The following SMARCC1 variants were observed in gnomAD, a reference collection of about 807,000 sequenced individuals.
SMARCC1 encodes SWI/SNF complex subunit SMARCC1.
In SMARCC1, 43 loss-of-function variants were observed where a neutral mutation model predicts 147.4. The observed-to-expected ratio is 0.29, with a 90% CI of 0.23 to 0.38. The LOEUF is 0.38. Ranked by LOEUF, SMARCC1 falls within the 10% of genes least tolerant of loss-of-function variation. SMARCC1 has a pLI of 1.00. For synonymous variants in SMARCC1, 495 were observed against 484.4 expected, an observed-to-expected ratio of 1.02 and a Z score of -0.29; for missense variants, 1,119 against 1,381.1, an observed-to-expected ratio of 0.81 and a Z score of 3.01.
chr3:47,653,062 T>C (rs1208200813), intron 21 of SMARCC1, among the ~76,000 whole-genome samples: 1 of 150,934 alleles, frequency 6.6e-6, no homozygotes, highest in African/African-American at 2.4e-5. Flanking sequence ...GTTCACGCCA[T>C]TCTCCTGGCC....
chr3:47,728,313 C>T (rs2034325524), intron 6 of SMARCC1, among the ~76,000 whole-genome samples: 1 of 151,846 alleles, frequency 6.6e-6, no homozygotes, highest in Non-Finnish European at 1.5e-5. Flanking sequence ...ATCTCAAACT[C>T]CTGACCTCAA....
At position 47,735,955 on chromosome 3, in the gene SMARCC1, G is replaced by A. The variant is rs527504358; in HGVS notation, c.576+79C>T. ...TCAAAAAATCCAAAACATTACTATG[G>A]TTGTCATTTATTAGAGGCTTACAAC... On this transcript the variant is annotated intron_variant, in intron 5 of 27. Coordinates refer to ENST00000254480, the MANE Select transcript of SMARCC1 (RefSeq NM_003074.4). 6.4e-6 allele frequency: 4 copies of A among 620,902 alleles called. 1 individual carries two copies. In the East Asian group the frequency reaches 1.2e-4, roughly 19 times the overall value. 38.5% of individuals were successfully genotyped at this position (620,902 alleles called of 1,614,324 possible).
At chr3:47,676,897 G>A (rs893130053) in intron 16 of SMARCC1, 115 bp from the exon 17 acceptor site, 8 of 854,958 alleles carry the variant, frequency 9.4e-6, no homozygotes, top group Non-Finnish European at 1.1e-5. Context: ...GTGCTCAGCA[G>A]GCTGTCAAAC....
intron 26 of SMARCC1, among the ~76,000 whole-genome samples, chr3:47,593,455 A>G (rs1354731834): frequency 6.6e-6 from 1 of 152,192 alleles, no homozygotes; most frequent in Non-Finnish European, 1.5e-5. Context: ...TACAGGCGTG[A>G]GCCACCGCGC....
intron 19 of SMARCC1, among the ~76,000 whole-genome samples, chr3:47,668,581 CTT>C (rs2033453624): frequency 6.6e-6 from 1 of 152,128 alleles, no homozygotes; most frequent in Non-Finnish European, 1.5e-5. Flanking sequence ...TGATAAAAGA[CTT>C]TATGAAACAA....
intron 21 of SMARCC1, among the ~76,000 whole-genome samples, chr3:47,649,672 C>G (rs2033161802): frequency 6.6e-6 from 1 of 152,182 alleles, no homozygotes; most frequent in African/African-American, 2.4e-5. Context: ...TTAACTCAAT[C>G]CCTCAAAACC....
intron 6 of SMARCC1, among the ~76,000 whole-genome samples, chr3:47,723,816 A>T (rs1408659398): frequency 3.3e-5 from 5 of 152,144 alleles, no homozygotes. Context: ...CGTCTCAAAA[A>T]ATTAAAAAAT....
intron 21 of SMARCC1, among the ~76,000 whole-genome samples, chr3:47,659,760 A>AAGGGGG (rs373959195): frequency 2.1e-4 from 10 of 47,784 alleles, no homozygotes; most frequent in African/African-American, 9.1e-4. Context: ...GAAAAAAAAA[A>AAGGGGG]GGGGGGGGGG....
chr3:47,658,454 G>C (rs544633969), intron 21 of SMARCC1, among the ~76,000 whole-genome samples: 5 of 152,318 alleles, frequency 3.3e-5, no homozygotes, highest in African/African-American at 1.2e-4. Context: ...CTTATGCAGA[G>C]CAACCATTAA....
rs1238033077 is a variant in SMARCC1 at position 47,781,655 on chromosome 3, G to A, written c.143C>T (p.Thr48Met). The change falls in exon 1 of 28, where the codon ACG becomes ATG. Residue 48 changes from threonine (T) to methionine (M), a missense_variant. By Grantham distance (81) the Thr-to-Met change is moderately conservative. Transcript: ENST00000254480. ...CCGCACCGAATCCAGCTGGGACACCGTCTCCGGGCTCTCCCAAAACTTGGT... is the reference window on the plus strand; with the variant it reads ...CCGCACCGAATCCAGCTGGGACACCATCTCCGGGCTCTCCCAAAACTTGGT... ...PATKFWESPE[T>M]VSQLDSVRVW... The A allele has an allele frequency of 6.4e-7, 1 of 1,555,576 alleles. No individual in the cohort carries two copies. The highest frequency in any genetic ancestry group is 8.7e-7 in the Non-Finnish European group (1 of 1,154,782).
chr3:47,631,443 T>C (rs2032889448), intron 24 of SMARCC1, among the ~76,000 whole-genome samples: 1 of 152,176 alleles, frequency 6.6e-6, no homozygotes, highest in Non-Finnish European at 1.5e-5. Flanking sequence ...ATATGGGGGA[T>C]TTATAGTTTA....
At chr3:47,771,954 C>G (rs915689504) in intron 2 of SMARCC1, among the ~76,000 whole-genome samples, 1 of 151,516 alleles carries the variant, frequency 6.6e-6, no homozygotes, top group Non-Finnish European at 1.5e-5. Context: ...TGGTGGCGCG[C>G]ACCTGTAATC....
chr3:47,684,527 G>C (rs1444188065), intron 14 of SMARCC1, among the ~76,000 whole-genome samples: 1 of 150,198 alleles, frequency 6.7e-6, no homozygotes, highest in Non-Finnish European at 1.5e-5. Context: ...TGCAACCTCT[G>C]CCTCCTGGGT....
intron 21 of SMARCC1, among the ~76,000 whole-genome samples, chr3:47,641,639 C>A (rs1431068423): frequency 6.6e-6 from 1 of 151,900 alleles, no homozygotes. Context: ...CCATATAAAA[C>A]CAACTGCTAC....
At chr3:47,595,040 T>C (rs2106643462) in intron 26 of SMARCC1, among the ~76,000 whole-genome samples, 1 of 152,288 alleles carries the variant, frequency 6.6e-6, no homozygotes, top group South Asian at 2.1e-4. Context: ...TTGGTTTTTT[T>C]TCACTCCAGG....
intron 26 of SMARCC1, among the ~76,000 whole-genome samples, chr3:47,609,858 C>T (rs1040460851): frequency 2.0e-5 from 3 of 152,110 alleles, no homozygotes; most frequent in Non-Finnish European, 4.4e-5. Flanking sequence ...ACCTACTCAA[C>T]AAAAAGGCAT....
chr3:47,753,189 G>T (rs1470991833), intron 2 of SMARCC1, among the ~76,000 whole-genome samples: 1 of 151,776 alleles, frequency 6.6e-6, no homozygotes, highest in Non-Finnish European at 1.5e-5. Flanking sequence ...GTCGGACGTG[G>T]TGGGACACGT....
chr3:47,593,870 A>G (rs1219520407), intron 26 of SMARCC1, among the ~76,000 whole-genome samples: 1 of 152,124 alleles, frequency 6.6e-6, no homozygotes, highest in African/African-American at 2.4e-5. Flanking sequence ...AGGTATGAGA[A>G]TTAGGAATAA....
intron 21 of SMARCC1, among the ~76,000 whole-genome samples, chr3:47,654,693 C>T (rs556419086): frequency 7.9e-5 from 12 of 152,296 alleles, no homozygotes; most frequent in South Asian, 2.1e-4. Context: ...TCAAAGGAGA[C>T]GCAGACAGGT....
Sources: allele counts gnomAD v4.1 joint callset (sites outside exome capture counted in the v4.1 genomes callset), GRCh38; gene constraint gnomAD v4.1.1; transcripts MANE v1.5; gene names NCBI Gene and HGNC (gene_info 2026-07-23, HGNC 2026-07-21).